The following ARHGEF1 variants were observed in gnomAD, a reference collection of about 807,000 sequenced individuals.
ARHGEF1 encodes the protein Rho guanine nucleotide exchange factor 1, also known as 115 kDa guanine nucleotide exchange factor.
ARHGEF1 carries 40 observed loss-of-function variants against 119.7 expected under a neutral mutation model. The ratio of observed to expected loss-of-function variants is 0.33; its 90% CI spans 0.26 to 0.44. The LOEUF (loss-of-function observed/expected upper bound fraction) is 0.44, where lower values mean the gene tolerates loss of function less well. Ranked by LOEUF, ARHGEF1 falls within the 20% of genes least tolerant of loss-of-function variation. ARHGEF1 has a pLI of 1.00. For synonymous variants in ARHGEF1, 494 were observed against 521.0 expected, an observed-to-expected ratio of 0.95 and a Z score of 0.71; for missense variants, 976 against 1,268.3, an observed-to-expected ratio of 0.77 and a Z score of 3.50.
intron 1 of ARHGEF1, among the ~76,000 whole-genome samples, chr19:41,925,551 G>C (rs1555853183): frequency 6.6e-6 from 1 of 152,164 alleles, no homozygotes; most frequent in African/African-American, 2.4e-5. Context: ...GAAACTCTGA[G>C]GGGACAAGAG....
rs2074775480 is a variant in ARHGEF1, at chr19:41,914,546, T to TCCCTCCCTTTCCACCATCTCTGTCTC, written c.1865+7743_1865+7744insCCCTCCCTTTCCACCATCTCTGTCTC. Among the ~76,000 whole-genome samples, 41 of 118,450 alleles carry TCCCTCCCTTTCCACCATCTCTGTCTC rather than the reference T, an allele frequency of 3.5e-4. 3 individuals carry two copies. The highest frequency in any genetic ancestry group is 4.3e-3 in the Middle Eastern group (1 of 234). The allele number at this position is 118,450 out of a possible 152,430, so 77.7% of individuals were successfully genotyped here. On this transcript the variant is annotated intron_variant, in intron 18 of 20. Coordinates refer to the ARHGEF1 transcript ENST00000599589. ...TTCTCCCCATCTCTGCTATCCGTCTTTCCCTCCCCTTCCACCATCTCTGTC... is the reference window on the plus strand; with the variant it reads ...TTCTCCCCATCTCTGCTATCCGTCTTCCCTCCCTTTCCACCATCTCTGTCTCTCCCTCCCCTTCCACCATCTCTGTC...
downstream of ARHGEF1, chr19:41,907,478 G>A: frequency 1.4e-6 from 2 of 1,427,736 alleles, no homozygotes; most frequent in Non-Finnish European, 1.9e-6. Flanking sequence ...TGGCGGGGTG[G>A]GGCCTGGCAT....
At chr19:41,897,831 T>A (rs563271250) in intron 13 of ARHGEF1, 1 of 1,108,910 alleles carries the variant, frequency 9.0e-7, no homozygotes, top group African/African-American at 1.6e-5. Context: ...CCTGCCCTGG[T>A]CTCTCCCCGT....
Position 41,905,358 on chromosome 19 carries a change from C to T in ARHGEF1, c.2336+97C>T. On this transcript the variant is annotated intron_variant, in intron 24 of 28. Coordinates refer to ENST00000354532, the MANE Select transcript of ARHGEF1 (RefSeq NM_004706.4). This position sits in a 1 kb window ranked among gnomAD's most constrained non-coding sequence, Gnocchi z 6.4. ...AACTCCAGAACCGTCTCTGTGTGAGCATGCACATGTGTGAATGCATGTGTG... is the reference window on the plus strand; with the variant it reads ...AACTCCAGAACCGTCTCTGTGTGAGTATGCACATGTGTGAATGCATGTGTG... The T allele has an allele frequency of 9.0e-7, 1 of 1,106,032 alleles. No individual in the cohort carries two copies. Among genetic ancestry groups the T allele is most frequent in the Non-Finnish European group, 1.3e-6 (1 of 766,190 alleles). The allele number at this position is 1,106,032 out of a possible 1,614,324, so 68.5% of individuals were successfully genotyped here.
intron 18 of ARHGEF1, among the ~76,000 whole-genome samples, chr19:41,915,937 C>G (rs373523676): frequency 6.6e-6 from 1 of 152,082 alleles, no homozygotes; most frequent in South Asian, 2.1e-4. Flanking sequence ...CCCCCACCCC[C>G]CTCCCCCCCG....
downstream of ARHGEF1, among the ~76,000 whole-genome samples, chr19:41,910,943 C>T (rs1433128406): frequency 6.6e-6 from 1 of 152,182 alleles, no homozygotes; most frequent in Admixed American, 6.5e-5. This position sits in a 1 kb window ranked among gnomAD's most constrained non-coding sequence, Gnocchi z 4.4. Context: ...CAGAATTACA[C>T]ATCTCAAGAC....
chr19:41,916,690 C>T lies in ARHGEF1; in HGVS notation c.1866-6402C>T, dbSNP rs1277286957. On this transcript the variant is annotated intron_variant, in intron 18 of 20. Transcript: ENST00000599589. This position sits in a 1 kb window ranked among gnomAD's most constrained non-coding sequence, Gnocchi z 5.4. ...ACCAAGCACCACCGACCCTCGAGCG[C>T]ATACATATGCACTTGGTCACGCATG... Among the ~76,000 whole-genome samples, 3 of 151,994 alleles carry T rather than the reference C, an allele frequency of 2.0e-5. No individual in the cohort carries two copies. Among genetic ancestry groups the T allele is most frequent in the African/African-American group, 7.3e-5 (3 of 41,348 alleles).
intron 4 of ARHGEF1, among the ~76,000 whole-genome samples, chr19:41,891,144 A>G (rs185124478): frequency 2.1e-4 from 32 of 152,148 alleles, no homozygotes; most frequent in African/African-American, 7.2e-4. Context: ...ACACAGATGG[A>G]TCAACCTACA....
chr19:41,897,336 T>C, intron 13 of ARHGEF1: 2 of 1,266,516 alleles, frequency 1.6e-6, no homozygotes, highest in Non-Finnish European at 2.1e-6. Flanking sequence ...GGTGGGTGCC[T>C]GGGCCCTGGG....
intron 14 of ARHGEF1, among the ~76,000 whole-genome samples, chr19:41,899,505 C>CT (rs575816890): frequency 0.024 from 2,433 of 101,694 alleles, 43 homozygotes; most frequent in Non-Finnish European, 0.035. Context: ...AAAGAGAAAG[C>CT]TTTTTTTTTT....
Position 41,903,344 on chromosome 19 carries a change from C to T in ARHGEF1, c.1776C>T (p.Ala592=), listed in dbSNP as rs200795172. The change falls in exon 19 of 29, where the codon GCC becomes GCT. Residue 592 remains alanine (A), a synonymous_variant. Coordinates refer to ENST00000354532, the MANE Select transcript of ARHGEF1 (RefSeq NM_004706.4). The surrounding 1 kb of genome is among the most constrained non-coding windows in gnomAD (Gnocchi z 4.2). The stretch of plus-strand genomic sequence containing the variant: ...AACGGGAGAAAGTGGAGCTGGCAGC[C>T]GAGTGCTGCCGGGAAATTCTACACC... ...PTEREKVELA[A]ECCREILHHV... is the part of the protein sequence containing the mutation. 4.3e-5 allele frequency: 70 copies of T among 1,613,886 alleles called. No homozygotes were observed. The Middle Eastern group carries it at 8.3e-4, about 19-fold the overall frequency.
rs560512586 is a variant in ARHGEF1 at position 41,917,612 on chromosome 19, C to T, written c.1866-5480C>T. 1.3e-5 allele frequency among the ~76,000 whole-genome samples: 2 copies of T among 152,062 alleles called. No individual in the cohort carries two copies. The highest frequency in any genetic ancestry group is 2.1e-4 in the South Asian group (1 of 4,820). On this transcript the variant is annotated intron_variant, in intron 18 of 20. Transcript: ENST00000599589. The surrounding 1 kb of genome is among the most constrained non-coding windows in gnomAD (Gnocchi z 4.8). ...CGGCCTAAGACCCTTCTGCCACCGC[C>T]GCCCCCGCATGCACACACCATGCCC...
chr19:41,914,236 C>T (rs916150233), intron 18 of ARHGEF1, among the ~76,000 whole-genome samples: 2 of 151,340 alleles, frequency 1.3e-5, no homozygotes, highest in Non-Finnish European at 2.9e-5. Context: ...CCTGTCTCCC[C>T]GTCTTTCTCC....
At chr19:41,907,615 C>G, downstream of ARHGEF1, 1 of 557,016 alleles carries the variant, frequency 1.8e-6, no homozygotes, top group Non-Finnish European at 3.1e-6. Flanking sequence ...CCAGGCACTC[C>G]GTACACACAC....
intron 13 of ARHGEF1, 172 bp downstream of exon 13, chr19:41,896,654 C>T (rs1006786503): frequency 2.4e-5 from 17 of 706,192 alleles, no homozygotes; most frequent in Non-Finnish European, 4.1e-5. Context: ...CTTTTCTCAT[C>T]TCCCTCCTGC....
chr19:41,892,758 C>CT lies in ARHGEF1; in HGVS notation c.524dup (p.Glu176GlyfsTer117). On this transcript the variant is annotated frameshift_variant, in exon 7 of 29. Coordinates refer to ENST00000354532, the MANE Select transcript of ARHGEF1 (RefSeq NM_004706.4). LOFTEE classifies it high-confidence loss of function. The surrounding 1 kb of genome is among the most constrained non-coding windows in gnomAD (Gnocchi z 6.3). Reference sequence around the variant, plus strand: ...GCCCTGGGAGCAGGAGCTGGCCCAGCTGGAGGCTTGGGTTGGGCGGGACCG... The same window carrying CT: ...GCCCTGGGAGCAGGAGCTGGCCCAGCTTGGAGGCTTGGGTTGGGCGGGACCG... 3.1e-6 allele frequency: 5 copies of CT among 1,608,836 alleles called. No individual in the cohort carries two copies. Among genetic ancestry groups the CT allele is most frequent in the Non-Finnish European group, 4.2e-6 (5 of 1,178,242 alleles).
chr19:41,897,337 G>A, intron 13 of ARHGEF1: 2 of 1,264,498 alleles, frequency 1.6e-6, no homozygotes, highest in Non-Finnish European at 2.1e-6. Flanking sequence ...GTGGGTGCCT[G>A]GGCCCTGGGT....
At chr19:41,898,324 G>A in intron 13 of ARHGEF1, 118 bp from the exon 14 acceptor site, 1 of 1,473,596 alleles carries the variant, frequency 6.8e-7, no homozygotes. Context: ...CTGCTGCACG[G>A]GCCACCCTGC....
rs1555851610 is a variant in ARHGEF1 at position 41,914,631 on chromosome 19, CTCT to C, written c.1865+7829_1865+7831del. On this transcript the variant is annotated intron_variant, in intron 18 of 20. Transcript: ENST00000599589. ...CTCCCTCCCCTTCCACCATCTCTGT[CTCT>C]GTCTCTCCCTCCCTTTCCACCATCT... is the stretch of plus-strand genomic sequence containing the variant. Among the ~76,000 whole-genome samples the C allele has an allele frequency of 5.8e-5, 3 of 51,676 alleles. 1 individual carries two copies. Among genetic ancestry groups the C allele is most frequent in the African/African-American group, 2.9e-4 (2 of 6,958 alleles). The allele number at this position is 51,676 out of a possible 152,430, so 33.9% of individuals were successfully genotyped here.
Sources: allele counts gnomAD v4.1 joint callset (sites outside exome capture counted in the v4.1 genomes callset), GRCh38; gene constraint gnomAD v4.1.1; non-coding constraint Gnocchi (gnomAD v3.1); transcripts MANE v1.5; gene names NCBI Gene and HGNC (gene_info 2026-07-23, HGNC 2026-07-21).